Variants in FGF12 observed in about 807,000 individuals in gnomAD.
The protein encoded by FGF12 is fibroblast growth factor 12B.
FGF12 carries 14 observed loss-of-function variants against 23.6 expected under a neutral mutation model. The ratio of observed to expected loss-of-function variants is 0.59; its 90% confidence interval spans 0.39 to 0.93. The LOEUF is 0.93. Ranked by LOEUF, FGF12 falls within the 40% of genes least tolerant of loss-of-function variation. FGF12 has a pLI of 0.00. For missense variants in FGF12, 175 were observed against 217.8 expected (o/e 0.80, Z 1.24); for synonymous variants, 62 against 77.3 (o/e 0.80, Z 1.04).
At chr3:192,364,073 A>G (rs771111928) in intron 2 of FGF12, among the ~76,000 whole-genome samples, 11 of 152,240 alleles carry the variant, frequency 7.2e-5, no homozygotes, top group Non-Finnish European at 1.5e-4. Flanking sequence ...TCTGTCACTT[A>G]AAGAATGAGT....
chr3:192,381,471 G>A (rs1719809387), intron 2 of FGF12, among the ~76,000 whole-genome samples: 1 of 152,188 alleles, frequency 6.6e-6, no homozygotes, highest in Non-Finnish European at 1.5e-5. Flanking sequence ...GGTATGGCTA[G>A]TGTCCTCGTG....
At position 192,618,165 on chromosome 3, in the gene FGF12, AT is replaced by A. The variant is rs939363937; in HGVS notation, c.13+109015del. 8.6e-5 allele frequency among the ~76,000 whole-genome samples: 13 copies of A among 151,398 alleles called. No homozygotes were observed. The East Asian group carries it at 2.0e-3, about 23-fold the overall frequency. On this transcript the variant is annotated intron_variant, in intron 2 of 5. Coordinates refer to ENST00000445105, the MANE Select transcript of FGF12 (RefSeq NM_004113.6). Reference sequence around the variant, plus strand: ...GAAGTGACAGCCAAGGTCCTTTCTTATTGTACGTTTTTCTGATTTTATAATG... The same window carrying A: ...GAAGTGACAGCCAAGGTCCTTTCTTATGTACGTTTTTCTGATTTTATAATG...
At chr3:192,230,406 T>A (rs1718959123) in intron 4 of FGF12, among the ~76,000 whole-genome samples, 1 of 152,114 alleles carries the variant, frequency 6.6e-6, no homozygotes, top group Admixed American at 6.5e-5. Flanking sequence ...CTGAAGCAAA[T>A]TTTAGACTGC....
intron 2 of FGF12, among the ~76,000 whole-genome samples, chr3:192,720,205 T>C (rs1477803658): frequency 6.6e-6 from 1 of 152,266 alleles, no homozygotes; most frequent in East Asian, 1.9e-4. Context: ...TGCCTTTACT[T>C]CTATCACGTA....
chr3:192,694,342 C>G (rs1374301925), intron 2 of FGF12, among the ~76,000 whole-genome samples: 1 of 152,002 alleles, frequency 6.6e-6, no homozygotes, highest in Admixed American at 6.6e-5. Context: ...GAAAGTTCCT[C>G]AAAAAATTAA....
chr3:192,334,481 T>C (rs1031735361), intron 4 of FGF12, among the ~76,000 whole-genome samples: 26 of 152,096 alleles, frequency 1.7e-4, no homozygotes, highest in Non-Finnish European at 2.5e-4. Flanking sequence ...ATTTTTTTCA[T>C]GAACTACAAA....
At chr3:192,401,263 C>A (rs1720748911) in intron 2 of FGF12, among the ~76,000 whole-genome samples, 2 of 152,154 alleles carry the variant, frequency 1.3e-5, no homozygotes, top group Non-Finnish European at 2.9e-5. Context: ...CTTTTGATAT[C>A]TTATTGTGGA....
intron 3 of FGF12, among the ~76,000 whole-genome samples, chr3:192,342,785 A>G (rs1436177744): frequency 1.3e-5 from 2 of 152,134 alleles, no homozygotes; most frequent in Non-Finnish European, 2.9e-5. Flanking sequence ...CTGTCTCAAC[A>G]AAATAAAATA....
At chr3:192,392,630 GA>G (rs1720354441) in intron 2 of FGF12, among the ~76,000 whole-genome samples, 3 of 98,952 alleles carry the variant, frequency 3.0e-5, no homozygotes, top group African/African-American at 4.2e-5. Context: ...GAGAGAGAGA[GA>G]GAGGAAGGGA....
intron 4 of FGF12, among the ~76,000 whole-genome samples, chr3:192,301,551 C>T (rs905208084): frequency 6.6e-6 from 1 of 152,106 alleles, no homozygotes; most frequent in East Asian, 1.9e-4. Flanking sequence ...TGAGTAAGAA[C>T]CCAAAAAATT....
intron 2 of FGF12, among the ~76,000 whole-genome samples, chr3:192,552,604 A>C (rs1711577533): frequency 6.6e-6 from 1 of 152,156 alleles, no homozygotes; most frequent in Non-Finnish European, 1.5e-5. Context: ...AAGTAAATAC[A>C]GGCCAGCCAG....
intron 4 of FGF12, among the ~76,000 whole-genome samples, chr3:192,234,340 T>G (rs922590305): frequency 5.9e-5 from 9 of 152,182 alleles, no homozygotes; most frequent in African/African-American, 2.2e-4. Context: ...AATTCTTGAT[T>G]TGGCTGCCAG....
chr3:192,561,620 C>CA lies in FGF12; in HGVS notation c.13+165560_13+165561insT, dbSNP rs762336210. Among the ~76,000 whole-genome samples, 134 of 152,222 alleles carry CA rather than the reference C, an allele frequency of 8.8e-4. 1 individual carries two copies. Among genetic ancestry groups the CA allele is most frequent in the Non-Finnish European group, 1.4e-3 (95 of 67,998 alleles). On this transcript the variant is annotated intron_variant, in intron 2 of 5. Transcript: ENST00000445105. ...CTTGTGATCCGCCCGCCTCGGCCTC[C>CA]CAAAGTGCTGGGATTACAGGCGTGA...
intron 2 of FGF12, among the ~76,000 whole-genome samples, chr3:192,598,491 G>A (rs566338589): frequency 6.6e-6 from 1 of 152,228 alleles, no homozygotes; most frequent in South Asian, 2.1e-4. Flanking sequence ...TAAAAGCTAA[G>A]ATCCTTGTTT....
rs147676561 is a variant in FGF12 at position 192,347,790 on chromosome 3, G to A, written c.125-12326C>T. ...CAAGTCCTTCATTTTTTCTGAAATG[G>A]CTCTTGATCACTCTTCAGTCAGCAT... On this transcript the variant is annotated intron_variant, in intron 3 of 5. Transcript: ENST00000445105. Among the ~76,000 whole-genome samples, 5 of 152,172 alleles carry A rather than the reference G, an allele frequency of 3.3e-5. No individual in the cohort carries two copies. The East Asian group carries it at 5.8e-4, about 18-fold the overall frequency.
intron 2 of FGF12, among the ~76,000 whole-genome samples, chr3:192,680,629 T>A (rs937272572): frequency 2.0e-5 from 3 of 152,190 alleles, no homozygotes; most frequent in Admixed American, 1.3e-4. Flanking sequence ...GTGAGAGGCA[T>A]AAGAACAGCC....
chr3:192,549,832 GC>G (rs1473634950), intron 2 of FGF12, among the ~76,000 whole-genome samples: 5 of 152,120 alleles, frequency 3.3e-5, no homozygotes, highest in Admixed American at 2.0e-4. Flanking sequence ...TGGGTCTTGA[GC>G]CTGCCAGCTT....
At chr3:192,390,659 C>T (rs1389248012) in intron 2 of FGF12, among the ~76,000 whole-genome samples, 1 of 152,030 alleles carries the variant, frequency 6.6e-6, no homozygotes, top group African/African-American at 2.4e-5. Context: ...TCTTACTGTC[C>T]CTTATAGTTC....
At chr3:192,627,107 C>T (rs527382634) in intron 2 of FGF12, among the ~76,000 whole-genome samples, 1 of 152,188 alleles carries the variant, frequency 6.6e-6, no homozygotes, top group South Asian at 2.1e-4. Flanking sequence ...ATGAACGATT[C>T]CTATTGTATT....
Sources: allele counts gnomAD v4.1 joint callset (sites outside exome capture counted in the v4.1 genomes callset), GRCh38; gene constraint gnomAD v4.1.1; transcripts MANE v1.5; gene names NCBI Gene and HGNC (gene_info 2026-07-23, HGNC 2026-07-21).